METTL15: variants seen among roughly 807,000 people sequenced by gnomAD.
METTL15 encodes 12S rRNA N(4)-cytidine methyltransferase METTL15.
A neutral mutation model predicts 38.3 loss-of-function variants in METTL15; 34 were observed. The observed-to-expected ratio is 0.89, with a 90% confidence interval of 0.68 to 1.18. The LOEUF (loss-of-function observed/expected upper bound fraction) is 1.18. Among genes scored for constraint, METTL15 ranks in the 50% most tolerant of loss-of-function variants. The pLI is 0.00. For synonymous variants in METTL15, 162 were observed against 170.9 expected, an observed-to-expected ratio of 0.95 and a Z score of 0.41; for missense variants, 438 against 498.4, an observed-to-expected ratio of 0.88 and a Z score of 1.15.
chr11:28,218,808 TGA>T (rs1350774000), intron 4 of METTL15, among the ~76,000 whole-genome samples: 1 of 152,182 alleles, frequency 6.6e-6, no homozygotes, highest in Non-Finnish European at 1.5e-5. Context: ...CTGCATGTAT[TGA>T]GATAATCATG....
intron 4 of METTL15, among the ~76,000 whole-genome samples, chr11:28,225,612 G>T (rs1030184909): frequency 3.3e-5 from 5 of 151,058 alleles, no homozygotes; most frequent in African/African-American, 1.2e-4. Flanking sequence ...CCCCCTGGCT[G>T]GATGCTTATT....
chr11:28,183,350 A>G (rs1851367314), intron 3 of METTL15, among the ~76,000 whole-genome samples: 1 of 152,118 alleles, frequency 6.6e-6, no homozygotes, highest in South Asian at 2.1e-4. Context: ...TTCAAAGGGA[A>G]TGCTTACAGT....
At chr11:28,324,355 C>G (rs1393603467) in intron 6 of METTL15, among the ~76,000 whole-genome samples, 1 of 152,048 alleles carries the variant, frequency 6.6e-6, no homozygotes, top group African/African-American at 2.4e-5. Context: ...TTTTTTTCTG[C>G]AAAAGAAATA....
At chr11:28,120,222 G>C (rs964212934) in intron 3 of METTL15, among the ~76,000 whole-genome samples, 3 of 150,506 alleles carry the variant, frequency 2.0e-5, no homozygotes, top group Non-Finnish European at 4.4e-5. Flanking sequence ...AAAGTGCTGG[G>C]ATTACAGGTG....
At chr11:28,419,453 C>T (rs1850801615) in intron 5 of METTL15, among the ~76,000 whole-genome samples, 1 of 152,128 alleles carries the variant, frequency 6.6e-6, no homozygotes, top group Admixed American at 6.5e-5. Context: ...ATATGGTGCC[C>T]CCTAATACAG....
At chr11:28,237,282 T>C (rs1218217499) in intron 4 of METTL15, among the ~76,000 whole-genome samples, 1 of 152,222 alleles carries the variant, frequency 6.6e-6, no homozygotes, top group Non-Finnish European at 1.5e-5. Flanking sequence ...CCCATATTTC[T>C]TGGAGGCTTT....
At chr11:28,299,869 G>A (rs1318205566) in intron 6 of METTL15, among the ~76,000 whole-genome samples, 1 of 152,094 alleles carries the variant, frequency 6.6e-6, no homozygotes, top group Non-Finnish European at 1.5e-5. Context: ...GCGGTTGCCA[G>A]CAATCCTTGG....
intron 3 of METTL15, among the ~76,000 whole-genome samples, chr11:28,143,396 C>T (rs979850392): frequency 6.6e-6 from 1 of 152,164 alleles, no homozygotes; most frequent in Non-Finnish European, 1.5e-5. Flanking sequence ...GCAGTACTCT[C>T]TAGTATTGCT....
intron 6 of METTL15, among the ~76,000 whole-genome samples, chr11:28,511,012 C>T (rs1455135752): frequency 3.9e-5 from 6 of 152,124 alleles, no homozygotes; most frequent in Admixed American, 1.3e-4. Context: ...AGTGATGTAT[C>T]GTAGACTTCT....
chr11:28,228,710 A>G (rs1435980191), intron 4 of METTL15, among the ~76,000 whole-genome samples: 1 of 151,958 alleles, frequency 6.6e-6, no homozygotes, highest in African/African-American at 2.4e-5. Context: ...ATTTGACTAC[A>G]TTCCACATAT....
chr11:28,430,869 C>T lies in METTL15; in HGVS notation c.*424+6505C>T, dbSNP rs1245883449. Among the ~76,000 whole-genome samples the T allele has an allele frequency of 2.8e-4, 29 of 103,260 alleles. No individual in the cohort carries two copies. The South Asian group carries it at 3.9e-3, about 14-fold the overall frequency. 67.7% of individuals were successfully genotyped at this position (103,260 alleles called of 152,430 possible). A position where few individuals can be genotyped will look rare whatever the true frequency, so the allele number is the denominator to read the frequency against. The stretch of plus-strand genomic sequence containing the variant: ...AGGGAGGTGGGGGGGGTCAGCCCCC[C>T]GCCCGGCCAGCCGCCCCGTCCGGGA... On this transcript the variant is annotated intron_variant and NMD_transcript_variant, in intron 6 of 7. Coordinates refer to the METTL15 transcript ENST00000532947.
intron 3 of METTL15, among the ~76,000 whole-genome samples, chr11:28,115,931 C>CACGT (rs1295894776): frequency 2.0e-5 from 2 of 97,802 alleles, no homozygotes; most frequent in Non-Finnish European, 4.4e-5. Context: ...CACACACATA[C>CACGT]ACATACACAC....
chr11:28,416,256 C>T (rs556431858), intron 5 of METTL15, among the ~76,000 whole-genome samples: 5 of 152,320 alleles, frequency 3.3e-5, no homozygotes, highest in African/African-American at 1.2e-4. Flanking sequence ...TGTTCAAGCT[C>T]TATCTATACC....
chr11:28,116,221 G>A (rs1205886340), intron 3 of METTL15, among the ~76,000 whole-genome samples: 4 of 152,006 alleles, frequency 2.6e-5, no homozygotes, highest in African/African-American at 9.7e-5. Flanking sequence ...TTAAAGCAAT[G>A]TAAAAAATGT....
intron 6 of METTL15, among the ~76,000 whole-genome samples, chr11:28,315,607 A>G (rs1857451480): frequency 2.6e-5 from 4 of 152,228 alleles, no homozygotes; most frequent in African/African-American, 7.2e-5. Flanking sequence ...GGAGAAGCCA[A>G]TCCCCAAGAC....
chr11:28,505,552 T>C (rs1197277534), intron 6 of METTL15, among the ~76,000 whole-genome samples: 1 of 152,244 alleles, frequency 6.6e-6, no homozygotes, highest in Non-Finnish European at 1.5e-5. Flanking sequence ...TCTGAGAACA[T>C]TTTCTTCATA....
intron 6 of METTL15, among the ~76,000 whole-genome samples, chr11:28,444,630 C>G (rs1292793612): frequency 6.6e-6 from 1 of 152,122 alleles, no homozygotes; most frequent in Non-Finnish European, 1.5e-5. Flanking sequence ...ATTTTTGAGC[C>G]TCCATGTTTT....
At chr11:28,175,255 T>C (rs1433050496) in intron 3 of METTL15, among the ~76,000 whole-genome samples, 1 of 148,366 alleles carries the variant, frequency 6.7e-6, no homozygotes, top group African/African-American at 2.6e-5. Context: ...GCTTCATCCA[T>C]GTCCCTACAA....
At chr11:28,504,940 T>C (rs1300114846) in intron 6 of METTL15, among the ~76,000 whole-genome samples, 1 of 152,194 alleles carries the variant, frequency 6.6e-6, no homozygotes, top group East Asian at 1.9e-4. Flanking sequence ...TTCAGTGCCC[T>C]TCAGTTCAGT....
Sources: allele counts gnomAD v4.1 joint callset (sites outside exome capture counted in the v4.1 genomes callset), GRCh38; gene constraint gnomAD v4.1.1; transcripts MANE v1.5; gene names NCBI Gene and HGNC (gene_info 2026-07-23, HGNC 2026-07-21).